The following TPO variants were observed in gnomAD, a reference collection of about 807,000 sequenced individuals.
The protein encoded by TPO is thyroid peroxidase, also known as thyroid microsomal antigen.
In TPO, 78 loss-of-function variants were observed where a neutral mutation model predicts 96.9. That is an observed-to-expected ratio of 0.81 (90% CI 0.67 to 0.97). The LOEUF (loss-of-function observed/expected upper bound fraction) is 0.97, where lower values mean the gene tolerates loss of function less well. TPO is among the 50% of genes least tolerant of loss of function. The pLI, the probability that TPO is intolerant of heterozygous loss-of-function variation, is 0.00. For missense variants in TPO, 1,252 were observed against 1,274.8 expected, an observed-to-expected ratio of 0.98 and a Z score of 0.27; for synonymous variants, 547 against 538.0, an observed-to-expected ratio of 1.02 and a Z score of -0.23.
intron 15 of TPO, among the ~76,000 whole-genome samples, chr2:1,528,695 TTGTGCAACCTCCCCAAATCCCACCCACTC>T (rs1414843253): frequency 1.5e-5 from 1 of 65,958 alleles, no homozygotes; most frequent in Admixed American, 1.7e-4. Flanking sequence ...CCCCCCTACC[TTGTGCAACCTCCCCAAATCCCACCCACTC>T]TGTGCAACCT....
At chr2:1,453,635 T>C (rs763204859) in intron 5 of TPO, 59 bp from the exon 6 acceptor site, 13 of 1,612,796 alleles carry the variant, frequency 8.1e-6, no homozygotes, top group Admixed American at 1.7e-5. Flanking sequence ...TATCTGGAAC[T>C]CACTGCTTCT....
chr2:1,420,955 T>C (rs561770678), intron 2 of TPO, among the ~76,000 whole-genome samples: 26 of 152,090 alleles, frequency 1.7e-4, no homozygotes, highest in African/African-American at 5.8e-4. Flanking sequence ...TTCAGGCTGT[T>C]AACACCCCTC....
At chr2:1,394,074 T>C (rs951496542) in intron 1 of TPO, among the ~76,000 whole-genome samples, 3 of 152,226 alleles carry the variant, frequency 2.0e-5, no homozygotes, top group African/African-American at 7.2e-5. Context: ...GTAAGAGTTT[T>C]ACCTAGAAAT....
At chr2:1,542,206 C>T in intron 16 of TPO, 1 of 651,060 alleles carries the variant, frequency 1.5e-6, no homozygotes, top group Non-Finnish European at 2.7e-6. Flanking sequence ...GGAACCTTTG[C>T]CACGTGGATC....
At chr2:1,430,842 A>C (rs2148479289) in intron 3 of TPO, among the ~76,000 whole-genome samples, 1 of 152,326 alleles carries the variant, frequency 6.6e-6, no homozygotes, top group Admixed American at 6.5e-5. Context: ...TAGAATGGAA[A>C]AATATACCCA....
chr2:1,397,115 G>T (rs767383169), intron 1 of TPO, among the ~76,000 whole-genome samples: 2 of 152,126 alleles, frequency 1.3e-5, no homozygotes, highest in African/African-American at 4.8e-5. Flanking sequence ...TAAAGATGCC[G>T]TAAGGACTCA....
intron 14 of TPO, among the ~76,000 whole-genome samples, chr2:1,506,585 G>C (rs1338719268): frequency 2.6e-5 from 4 of 152,204 alleles, no homozygotes; most frequent in African/African-American, 7.2e-5. Context: ...TCCAACTGGT[G>C]TGAGATGGTA....
chr2:1,376,621 C>A (rs1661726525), intron 1 of TPO, among the ~76,000 whole-genome samples: 1 of 152,092 alleles, frequency 6.6e-6, no homozygotes, highest in Admixed American at 6.6e-5. Flanking sequence ...CTGAACAGCA[C>A]CCCCAGTCCA....
At chr2:1,412,901 C>T (rs936502842), upstream of TPO, among the ~76,000 whole-genome samples, 17 of 152,070 alleles carry the variant, frequency 1.1e-4, no homozygotes, top group Admixed American at 5.9e-4. Context: ...TGTGGGGACT[C>T]TTTTGATGGG....
chr2:1,487,551 G>A (rs1024447598), intron 9 of TPO, among the ~76,000 whole-genome samples: 16 of 152,276 alleles, frequency 1.1e-4, no homozygotes, highest in African/African-American at 2.6e-4. Flanking sequence ...TGGCTAACAC[G>A]GTGAAACCCC....
At chr2:1,480,322 T>C (rs1670421328) in intron 8 of TPO, among the ~76,000 whole-genome samples, 1 of 152,122 alleles carries the variant, frequency 6.6e-6, no homozygotes. Flanking sequence ...AATAATAAGT[T>C]GTGTTTAACG....
chr2:1,390,023 T>C (rs573407810), intron 1 of TPO, among the ~76,000 whole-genome samples: 4 of 152,002 alleles, frequency 2.6e-5, no homozygotes, highest in Non-Finnish European at 4.4e-5. Context: ...TCTTTTCTTT[T>C]TTTTTTTTTT....
intron 15 of TPO, among the ~76,000 whole-genome samples, chr2:1,523,498 C>T (rs1445827683): frequency 1.3e-4 from 12 of 91,858 alleles, no homozygotes; most frequent in African/African-American, 4.6e-4. Flanking sequence ...CTCCCCAAAT[C>T]CCCCCGACTC....
At chr2:1,378,539 G>T (rs1350031436) in intron 1 of TPO, among the ~76,000 whole-genome samples, 1 of 152,244 alleles carries the variant, frequency 6.6e-6, no homozygotes, top group Non-Finnish European at 1.5e-5. Flanking sequence ...ACCTGTCCTG[G>T]GGGCTGTGAG....
rs770575352 is a variant in TPO, at chr2:1,423,106, C to T, written c.156C>T (p.Thr52=). Residue 52 remains threonine, a synonymous_variant, in exon 3 of 17, where the codon ACC becomes ACT. Transcript: ENST00000329066. ...AGGAAAGCAAGCGCCTGGTGGACAC[C>T]GCCATGTACGCCACGATGCAGAGGT... The part of the protein sequence containing the change: ...VLEESKRLVD[T]AMYATMQRNL... The T allele has an allele frequency of 5.0e-6, 8 of 1,613,898 alleles. No individual in the cohort carries two copies. The Admixed American group carries it at 5.0e-5, about 10-fold the overall frequency.
chr2:1,486,450 C>T (rs954601368), intron 9 of TPO, among the ~76,000 whole-genome samples: 5 of 151,906 alleles, frequency 3.3e-5, no homozygotes, highest in African/African-American at 9.7e-5. Flanking sequence ...GCAGGAGAAT[C>T]GCTTGAACCT....
chr2:1,421,788 C>A (rs1051892375), intron 2 of TPO, among the ~76,000 whole-genome samples: 1 of 152,160 alleles, frequency 6.6e-6, no homozygotes, highest in Non-Finnish European at 1.5e-5. Context: ...CACCTGCCAC[C>A]GATCCTGCGA....
intron 8 of TPO, chr2:1,478,015 T>G: frequency 1.0e-6 from 1 of 985,452 alleles, no homozygotes; most frequent in Non-Finnish European, 1.2e-6. Flanking sequence ...ACTCATTTAA[T>G]AATTCCCAGA....
chr2:1,493,928 T>A lies in TPO; in HGVS notation c.1895T>A (p.Ile632Asn), dbSNP rs771415743. The A allele has an allele frequency of 1.2e-6, 2 of 1,614,092 alleles. No individual in the cohort carries two copies. Among genetic ancestry groups the A allele is most frequent in the Non-Finnish European group, 1.7e-6 (2 of 1,180,028 alleles). The change falls in exon 11 of 17, where the codon ATC becomes AAC. Residue 632 changes from isoleucine to asparagine, a missense_variant. Coordinates refer to ENST00000329066, the MANE Select transcript of TPO (RefSeq NM_001206744.2). ...ILDLYKHPDN[I>N]DVWLGGLAEN... Reference sequence around the variant, plus strand: ...GACTTGTACAAGCATCCTGACAACATCGATGTCTGGCTGGGAGGCTTAGCT... The same window carrying A: ...GACTTGTACAAGCATCCTGACAACAACGATGTCTGGCTGGGAGGCTTAGCT...
Sources: allele counts gnomAD v4.1 joint callset (sites outside exome capture counted in the v4.1 genomes callset), GRCh38; gene constraint gnomAD v4.1.1; transcripts MANE v1.5; gene names NCBI Gene and HGNC (gene_info 2026-07-23, HGNC 2026-07-21).